Variants in AGBL3 observed in about 807,000 individuals in gnomAD.
The protein encoded by AGBL3 is cytosolic carboxypeptidase 3.
AGBL3 carries 68 observed loss-of-function variants against 94.5 expected under a neutral mutation model. The ratio of observed to expected loss-of-function variants is 0.72; its 90% CI spans 0.59 to 0.88. The LOEUF (loss-of-function observed/expected upper bound fraction) is 0.88, where lower values mean the gene tolerates loss of function less well. Ranked by LOEUF, AGBL3 falls within the 40% of genes least tolerant of loss-of-function variation. The pLI, the probability that AGBL3 is intolerant of heterozygous loss-of-function variation, is 0.00. For synonymous variants in AGBL3, 354 were observed against 370.7 expected (o/e 0.95, Z 0.52); for missense variants, 934 against 1,103.8 (o/e 0.85, Z 2.18).
chr7:135,032,804 G>A, intron 5 of AGBL3, 40 bp from the exon 6 acceptor site: 1 of 1,511,086 alleles, frequency 6.6e-7, no homozygotes, highest in Non-Finnish European at 8.9e-7. Context: ...TCTTACTTTA[G>A]GTATACCTTG....
At chr7:135,100,892 G>A (rs1036010970) in intron 15 of AGBL3, among the ~76,000 whole-genome samples, 1 of 152,148 alleles carries the variant, frequency 6.6e-6, no homozygotes, top group African/African-American at 2.4e-5. Flanking sequence ...TTCCCCTTAT[G>A]TAACATGGGA....
rs892280382 is a variant in AGBL3, at chr7:135,134,933, T to C, written c.2435T>C (p.Met812Thr). 4.5e-6 allele frequency: 7 copies of C among 1,551,054 alleles called. No homozygotes were observed. Among genetic ancestry groups the C allele is most frequent in the South Asian group, 1.2e-5 (1 of 84,050 alleles). Residue 812 changes from methionine to threonine, a missense_variant, in exon 17 of 17, where the codon ATG (methionine) becomes ACG (threonine). Transcript: ENST00000436302. ...CCTTTTGTAATCCAAGGGGATGTTATGGCAAACTCTTCAGAATGGGTCCAG... is the reference window on the plus strand; with the variant it reads ...CCTTTTGTAATCCAAGGGGATGTTACGGCAAACTCTTCAGAATGGGTCCAG... Reference protein sequence around the residue: ...NHPFVIQGDVMANSSEWVQSK... With the variant: ...NHPFVIQGDVTANSSEWVQSK...
chr7:135,013,111 A>G (rs1813358098), intron 4 of AGBL3, among the ~76,000 whole-genome samples: 1 of 152,166 alleles, frequency 6.6e-6, no homozygotes, highest in South Asian at 2.1e-4. Context: ...AAAATGGACA[A>G]AAGACTCGAA....
chr7:135,079,599 G>A (rs915996275), intron 13 of AGBL3, among the ~76,000 whole-genome samples: 2 of 151,256 alleles, frequency 1.3e-5, no homozygotes, highest in Admixed American at 6.6e-5. Context: ...CCAAGTAGCT[G>A]GGATTACAGG....
chr7:135,033,183 T>A (rs1047072477), intron 6 of AGBL3, among the ~76,000 whole-genome samples: 4 of 152,184 alleles, frequency 2.6e-5, no homozygotes, highest in Non-Finnish European at 4.4e-5. Flanking sequence ...GAGGTAAAGT[T>A]AAGAAGGCTT....
chr7:135,010,894 C>G (rs1385179566), intron 4 of AGBL3: 4 of 152,156 alleles, frequency 2.6e-5, no homozygotes, highest in Admixed American at 1.3e-4. Flanking sequence ...TGTCAGTTAT[C>G]TCCAAACTGA....
In AGBL3 at chr7:135,132,818, C is replaced by A. The variant is rs576779869; in HGVS notation, c.2343-2023C>A. On this transcript the variant is annotated intron_variant, in intron 16 of 16. Coordinates refer to ENST00000436302, the MANE Select transcript of AGBL3 (RefSeq NM_178563.4). ...TCCCCAGCCATGTGGAACTGTGAGTCAATTAAACCTTTTTCCTTTATAAAT... is the reference window on the plus strand; with the variant it reads ...TCCCCAGCCATGTGGAACTGTGAGTAAATTAAACCTTTTTCCTTTATAAAT... 1.6e-3 allele frequency among the ~76,000 whole-genome samples: 250 copies of A among 152,218 alleles called. 2 individuals carry two copies. Among genetic ancestry groups the A allele is most frequent in the African/African-American group, 5.9e-3 (247 of 41,528 alleles).
intron 8 of AGBL3, 147 bp from the exon 9 acceptor site, chr7:135,043,878 C>T (rs1817106494): frequency 4.2e-6 from 4 of 942,830 alleles, no homozygotes; most frequent in Admixed American, 7.0e-5. Flanking sequence ...TGAGATATTT[C>T]CACAGGTCAG....
In AGBL3 at chr7:135,045,829, A is replaced by G. The variant is rs998709693; in HGVS notation, c.1759A>G (p.Met587Val). 6.4e-7 allele frequency: 1 copy of G among 1,550,472 alleles called. No homozygotes were observed. The highest frequency in any genetic ancestry group is 1.4e-5 in the African/African-American group (1 of 72,994). ...YYRCLKELEE[M>V]ERHITLEKVF... is the part of the protein sequence containing the mutation. ...TCGGTGCCTGAAAGAATTAGAAGAA[A>G]TGGAAAGACATATAACCCTGGAAAA... is the stretch of plus-strand genomic sequence containing the variant. Residue 587 changes from methionine to valine, a missense_variant, in exon 11 of 17, where the codon ATG (methionine) becomes GTG (valine). Physicochemically the swap from Met to Val is conservative, Grantham distance 21. Coordinates refer to ENST00000436302, the MANE Select transcript of AGBL3 (RefSeq NM_178563.4).
intron 12 of AGBL3, among the ~76,000 whole-genome samples, chr7:135,063,280 T>C (rs1818997879): frequency 6.6e-6 from 1 of 152,064 alleles, no homozygotes; most frequent in Admixed American, 6.6e-5. Context: ...TCCATTTTGT[T>C]TCTTTTTTTA....
At chr7:135,098,694 A>G (rs1207249269) in intron 15 of AGBL3, among the ~76,000 whole-genome samples, 2 of 152,208 alleles carry the variant, frequency 1.3e-5, no homozygotes, top group Non-Finnish European at 2.9e-5. Flanking sequence ...CTGTTTAATC[A>G]CTACATCAAA....
At chr7:135,076,289 T>A in intron 12 of AGBL3, 108 bp from the exon 13 acceptor site, 1 of 847,582 alleles carries the variant, frequency 1.2e-6, no homozygotes, top group Non-Finnish European at 1.9e-6. Context: ...AGGAATAAAG[T>A]ACTTCTCATC....
intron 4 of AGBL3, among the ~76,000 whole-genome samples, chr7:135,004,824 T>C (rs1812184440): frequency 6.6e-6 from 1 of 151,620 alleles, no homozygotes; most frequent in Non-Finnish European, 1.5e-5. Flanking sequence ...TTTATCTTGT[T>C]AATTTTTTCA....
At chr7:135,084,182 G>T (rs1821148656) in intron 15 of AGBL3, among the ~76,000 whole-genome samples, 1 of 151,834 alleles carries the variant, frequency 6.6e-6, no homozygotes, top group Non-Finnish European at 1.5e-5. Flanking sequence ...TTTCAATAAT[G>T]GTCTATAACT....
intron 8 of AGBL3, 84 bp downstream of exon 8, chr7:135,037,664 A>G (rs1429908225): frequency 8.7e-7 from 1 of 1,149,718 alleles, no homozygotes. Flanking sequence ...GGATAATACT[A>G]TTCCAAACTG....
Position 135,031,208 on chromosome 7 carries a change from T to C in AGBL3, c.419-1636T>C, listed in dbSNP as rs1815704868. Among the ~76,000 whole-genome samples the C allele has an allele frequency of 2.6e-5, 4 of 152,200 alleles. No homozygotes were observed. In the South Asian group the frequency reaches 8.3e-4, roughly 31 times the overall value. On this transcript the variant is annotated intron_variant, in intron 5 of 16. Transcript: ENST00000436302. Reference sequence around the variant, plus strand: ...GAATGCTTTACGTTTTTATCATATGTAGAACATTGTAAAAGATATGTTTTA... The same window carrying C: ...GAATGCTTTACGTTTTTATCATATGCAGAACATTGTAAAAGATATGTTTTA...
intron 5 of AGBL3, among the ~76,000 whole-genome samples, chr7:135,029,204 G>A (rs1368479651): frequency 1.3e-5 from 2 of 152,196 alleles, no homozygotes; most frequent in Non-Finnish European, 2.9e-5. Context: ...AGGATAGTCA[G>A]TCTGTCTTTG....
chr7:134,987,720 T>TAA (rs1172326867), intron 1 of AGBL3, among the ~76,000 whole-genome samples, 155 bp from the exon 2 acceptor site: 1 of 152,210 alleles, frequency 6.6e-6, no homozygotes, highest in Non-Finnish European at 1.5e-5. Context: ...TTCCTTTAAC[T>TAA]CTTTGAAATT....
chr7:134,987,197 C>T (rs2732909), intron 1 of AGBL3, among the ~76,000 whole-genome samples: 10,417 of 152,246 alleles, frequency 0.068, 1,149 homozygotes, highest in African/African-American at 0.23. Flanking sequence ...AAACACGCTT[C>T]CTGTAGAGAG....
Sources: allele counts gnomAD v4.1 joint callset (sites outside exome capture counted in the v4.1 genomes callset), GRCh38; gene constraint gnomAD v4.1.1; transcripts MANE v1.5; gene names NCBI Gene and HGNC (gene_info 2026-07-23, HGNC 2026-07-21).